POFUT4: variants seen among roughly 807,000 people sequenced by gnomAD.
POFUT4 encodes GDP-fucose protein O-fucosyltransferase 4.
At chr10:73,774,889 T>G in the POFUT4 span, 1 of 157,528 alleles carries the variant, frequency 6.3e-6, no homozygotes, top group African/African-American at 2.4e-5. Context: ...TAAGCTGAAG[T>G]AAGGCTGCTA....
At chr10:73,773,051 G>A in the POFUT4 span, 1 of 1,562,584 alleles carries the variant, frequency 6.4e-7, no homozygotes, top group Non-Finnish European at 8.6e-7. Flanking sequence ...GGTGAGTGAG[G>A]GCGGGCCGGA....
At chr10:73,772,594 C>A in the POFUT4 span, 1 of 1,577,618 alleles carries the variant, frequency 6.3e-7, no homozygotes, top group East Asian at 2.3e-5. Flanking sequence ...GGCTATTCCC[C>A]CACTTCCCGG....
the POFUT4 span, chr10:73,773,845 C>G: frequency 6.6e-7 from 1 of 1,521,738 alleles, no homozygotes; most frequent in Non-Finnish European, 8.8e-7. Flanking sequence ...CTGCAGCTAT[C>G]AAATCATTTA....
chr10:73,776,241 TA>T, the POFUT4 span: 1 of 152,162 alleles, frequency 6.6e-6, no homozygotes, highest in Non-Finnish European at 1.5e-5. Flanking sequence ...CTTATTTATT[TA>T]TTTTTTTAAA....
At chr10:73,779,081 A>AC in the POFUT4 span, 1 of 149,186 alleles carries the variant, frequency 6.7e-6, no homozygotes, top group Admixed American at 6.6e-5. Context: ...AACTAAAAAA[A>AC]AAAAAAAAAA....
the POFUT4 span, chr10:73,776,324 T>G: frequency 6.6e-6 from 1 of 152,122 alleles, no homozygotes; most frequent in Non-Finnish European, 1.5e-5. Context: ...AAGCAATCCA[T>G]CCGCCTTGAC....
At chr10:73,777,748 T>G in the POFUT4 span, among the ~76,000 whole-genome samples, 2 of 152,002 alleles carry the variant, frequency 1.3e-5, no homozygotes, top group Non-Finnish European at 1.5e-5. Context: ...AGAGATGGGG[T>G]TTCACCATGT....
chr10:73,772,440 C>T, the POFUT4 span: 2 of 1,563,054 alleles, frequency 1.3e-6, no homozygotes, highest in African/African-American at 1.4e-5. Context: ...GGCGGGGAGG[C>T]GGAGTGGGCG....
At chr10:73,777,820 C>T in the POFUT4 span, among the ~76,000 whole-genome samples, 3 of 148,756 alleles carry the variant, frequency 2.0e-5, no homozygotes, top group Non-Finnish European at 3.0e-5. Context: ...CTCCCAAAGT[C>T]CTGGGATTAC....
the POFUT4 span, among the ~76,000 whole-genome samples, chr10:73,776,787 C>T: frequency 6.6e-6 from 1 of 152,186 alleles, no homozygotes; most frequent in Non-Finnish European, 1.5e-5. Context: ...TCAAGCGATT[C>T]TCCTGCCTCA....
At chr10:73,773,707 C>T in the POFUT4 span, 3 of 1,614,248 alleles carry the variant, frequency 1.9e-6, no homozygotes, top group Non-Finnish European at 2.5e-6. Context: ...GCGGCCTCTC[C>T]CGGGGACAGC....
At chr10:73,776,218 A>C in the POFUT4 span, 1 of 152,110 alleles carries the variant, frequency 6.6e-6, no homozygotes, top group Admixed American at 6.5e-5. Context: ...TTTCATGTCA[A>C]ACTTCTATTT....
chr10:73,773,661 T>A, the POFUT4 span: 13 of 1,614,140 alleles, frequency 8.1e-6, no homozygotes, highest in African/African-American at 1.3e-5. Flanking sequence ...CGTCTGTGAC[T>A]ACGAACTGGC....
At chr10:73,772,540 G>A in the POFUT4 span, 3 of 1,570,170 alleles carry the variant, frequency 1.9e-6, no homozygotes, top group Non-Finnish European at 2.6e-6. Context: ...GGCCAGGGAG[G>A]GAGGAGGCGG....
At chr10:73,776,424 G>A in the POFUT4 span, among the ~76,000 whole-genome samples, 10 of 151,552 alleles carry the variant, frequency 6.6e-5, no homozygotes, top group African/African-American at 2.4e-4. Flanking sequence ...AGGCGTAGTG[G>A]CTTATGCCTG....
the POFUT4 span, chr10:73,775,911 G>C: frequency 1.9e-5 from 10 of 537,452 alleles, no homozygotes; most frequent in Non-Finnish European, 3.3e-5. Context: ...TGGTTCAGTG[G>C]GAAACAGAAC....
At chr10:73,779,259 A>T in the POFUT4 span, 1 of 103,580 alleles carries the variant, frequency 9.7e-6, no homozygotes, top group Non-Finnish European at 2.1e-5. Flanking sequence ...ACCTCTGTCT[A>T]AAAAAAAAAA....
the POFUT4 span, chr10:73,775,085 A>G: frequency 3.8e-6 from 1 of 264,158 alleles, no homozygotes; most frequent in African/African-American, 2.2e-5. Context: ...AATATGAAAC[A>G]TTAAGAAAAT....
At chr10:73,777,556 CT>C in the POFUT4 span, among the ~76,000 whole-genome samples, 88,627 of 142,686 alleles carry the variant, frequency 0.62, 28,221 homozygotes, top group Middle Eastern at 0.81. Context: ...TTCCCTATGA[CT>C]TTTTTTTTTT....
Sources: gnomAD v4.1 joint callset for allele counts (sites outside exome capture counted in the v4.1 genomes callset) on GRCh38, gnomAD v4.1.1 for gene constraint, MANE v1.5 for transcripts, NCBI Gene and HGNC (gene_info 2026-07-23, HGNC 2026-07-21) for gene names.